Variants in DGKG observed in about 807,000 individuals in gnomAD.
DGKG encodes diacylglycerol kinase gamma, also known as DAG kinase gamma.
A neutral mutation model predicts 105.3 loss-of-function variants in DGKG; 78 were observed. The observed-to-expected ratio is 0.74, with a 90% CI of 0.62 to 0.89. DGKG has a LOEUF of 0.89. DGKG is among the 40% of genes least tolerant of loss of function. DGKG has a pLI of 0.00. For missense variants in DGKG, 958 were observed against 1,020.1 expected, an observed-to-expected ratio of 0.94 and a Z score of 0.83; for synonymous variants, 346 against 367.1, an observed-to-expected ratio of 0.94 and a Z score of 0.66.
chr3:186,245,829 A>G (rs1720911981), intron 19 of DGKG, among the ~76,000 whole-genome samples: 1 of 152,230 alleles, frequency 6.6e-6, no homozygotes, highest in South Asian at 2.1e-4. Flanking sequence ...GCTATCCAAT[A>G]GAAATACAGA....
intron 14 of DGKG, among the ~76,000 whole-genome samples, chr3:186,264,966 T>C (rs1721972513): frequency 6.6e-6 from 1 of 152,246 alleles, no homozygotes; most frequent in Non-Finnish European, 1.5e-5. Context: ...ATTTAGGACA[T>C]CTGCATATTA....
intron 1 of DGKG, among the ~76,000 whole-genome samples, chr3:186,339,643 C>T (rs1725994499): frequency 6.6e-6 from 1 of 152,160 alleles, no homozygotes; most frequent in African/African-American, 2.4e-5. Context: ...GCCCAGCTTA[C>T]TGAAGCATGT....
intron 2 of DGKG, among the ~76,000 whole-genome samples, chr3:186,310,296 A>T (rs1385328162): frequency 7.1e-6 from 1 of 141,158 alleles, no homozygotes; most frequent in Admixed American, 7.0e-5. Flanking sequence ...AAAACCACAC[A>T]CACACAACAA....
intron 21 of DGKG, among the ~76,000 whole-genome samples, chr3:186,202,985 C>T (rs971920538): frequency 2.6e-5 from 4 of 151,772 alleles, no homozygotes; most frequent in African/African-American, 4.8e-5. Context: ...GGAAAAGAAC[C>T]GGAAAATAAA....
intron 24 of DGKG, among the ~76,000 whole-genome samples, chr3:186,155,958 T>G (rs184944826): frequency 6.6e-6 from 1 of 152,230 alleles, no homozygotes; most frequent in East Asian, 1.9e-4. Context: ...CCCATGACAC[T>G]TCTTCTATGA....
At chr3:186,220,224 C>T (rs1719495970) in intron 20 of DGKG, among the ~76,000 whole-genome samples, 2 of 152,140 alleles carry the variant, frequency 1.3e-5, no homozygotes, top group Non-Finnish European at 2.9e-5. Flanking sequence ...TGAAAAAAGT[C>T]TTACTCAATA....
intron 2 of DGKG, among the ~76,000 whole-genome samples, chr3:186,313,137 G>A (rs1724639784): frequency 6.6e-6 from 1 of 152,200 alleles, no homozygotes; most frequent in Non-Finnish European, 1.5e-5. Context: ...GAAATCACTT[G>A]CAGGGCTTTA....
At chr3:186,304,469 A>G (rs1295818503) in intron 3 of DGKG, among the ~76,000 whole-genome samples, 1 of 152,164 alleles carries the variant, frequency 6.6e-6, no homozygotes, top group African/African-American at 2.4e-5. Context: ...CCAGTGTCCA[A>G]CGGAGAAGGT....
Position 186,297,064 on chromosome 3 carries a change from T to TCACACACACACACACA in DGKG, c.373+356_373+357insTGTGTGTGTGTGTGTG, listed in dbSNP as rs1177958964. ...ACCTCTCTCTGTCTGTCTGTCTGTC[T>TCACACACACACACACA]CTCTCACACACACACACACACACAC... On this transcript the variant is annotated intron_variant, in intron 5 of 24. Transcript: ENST00000265022. Among the ~76,000 whole-genome samples, 42 of 78,494 alleles carry TCACACACACACACACA rather than the reference T, an allele frequency of 5.4e-4. 1 individual carries two copies. The highest frequency in any genetic ancestry group is 1.4e-3 in the Admixed American group (10 of 7,216). The allele number at this position is 78,494 out of a possible 152,430, so 51.5% of individuals were successfully genotyped here. A position where few individuals can be genotyped will look rare whatever the true frequency, so the allele number is the denominator to read the frequency against.
At chr3:186,316,561 T>C (rs949954775) in intron 2 of DGKG, among the ~76,000 whole-genome samples, 37 of 152,226 alleles carry the variant, frequency 2.4e-4, no homozygotes, top group Non-Finnish European at 5.9e-5. Context: ...GTACTTTACA[T>C]TGTAGATTGA....
At chr3:186,263,185 A>G (rs1366859981) in intron 14 of DGKG, among the ~76,000 whole-genome samples, 1 of 151,986 alleles carries the variant, frequency 6.6e-6, no homozygotes, top group Non-Finnish European at 1.5e-5. Context: ...CACCACCAAC[A>G]AAAACCTGCT....
chr3:186,325,047 T>C (rs1258011894), intron 1 of DGKG, among the ~76,000 whole-genome samples: 1 of 152,256 alleles, frequency 6.6e-6, no homozygotes, highest in Non-Finnish European at 1.5e-5. Context: ...AATGAAATCA[T>C]GTCCTTTGCA....
At chr3:186,234,768 G>A (rs958760527) in intron 20 of DGKG, among the ~76,000 whole-genome samples, 9 of 152,150 alleles carry the variant, frequency 5.9e-5, no homozygotes, top group African/African-American at 1.9e-4. Context: ...CTGTTCCCAC[G>A]CGGACTAGGG....
intron 2 of DGKG, 74 bp downstream of exon 2, chr3:186,320,319 T>A: frequency 1.3e-6 from 2 of 1,583,634 alleles, no homozygotes; most frequent in Middle Eastern, 3.3e-4. Flanking sequence ...ATGATCATAC[T>A]GCTATGCTTT....
At chr3:186,228,573 TC>T (rs1719969976) in intron 20 of DGKG, among the ~76,000 whole-genome samples, 2 of 152,002 alleles carry the variant, frequency 1.3e-5, no homozygotes, top group African/African-American at 2.4e-5. Context: ...CTGCAACTGC[TC>T]CCCCCGCCTT....
intron 3 of DGKG, among the ~76,000 whole-genome samples, chr3:186,299,823 T>C (rs1227423025): frequency 2.6e-4 from 28 of 108,470 alleles, no homozygotes; most frequent in African/African-American, 9.1e-4. Context: ...CTTTCTTTCT[T>C]TCTTTCTTTC....
intron 24 of DGKG, chr3:186,161,206 C>T: frequency 1.0e-6 from 1 of 991,026 alleles, no homozygotes; most frequent in South Asian, 4.5e-5. Context: ...ATTTGGCTTC[C>T]ACGTAAGGAA....
rs549852554 is a variant in DGKG, at chr3:186,203,016, C to G, written c.1917+8779G>C. 6.6e-6 allele frequency among the ~76,000 whole-genome samples: 1 copy of G among 152,124 alleles called. No individual in the cohort carries two copies. The highest frequency in any genetic ancestry group is 1.9e-4 in the East Asian group (1 of 5,186). ...ATAAAAGCATATGAATGAATAGAGG[C>G]TTGAAGTGAACTACAGGGTGCACAT... On this transcript the variant is annotated intron_variant, in intron 21 of 24. Coordinates refer to ENST00000265022, the MANE Select transcript of DGKG (RefSeq NM_001346.3). This position sits in a 1 kb window ranked among gnomAD's most constrained non-coding sequence, Gnocchi z 4.9.
intron 22 of DGKG, among the ~76,000 whole-genome samples, chr3:186,171,633 C>G (rs917348326): frequency 2.6e-5 from 4 of 152,126 alleles, no homozygotes; most frequent in Non-Finnish European, 5.9e-5. Flanking sequence ...ACAGGCATAA[C>G]CATCCATTTA....
Sources: allele counts gnomAD v4.1 joint callset (sites outside exome capture counted in the v4.1 genomes callset), GRCh38; gene constraint gnomAD v4.1.1; non-coding constraint Gnocchi (gnomAD v3.1); transcripts MANE v1.5; gene names NCBI Gene and HGNC (gene_info 2026-07-23, HGNC 2026-07-21).